The following GULP1 variants were observed in gnomAD, a reference collection of about 807,000 sequenced individuals.
GULP1 encodes the protein GULP PTB domain containing engulfment adaptor 1.
A neutral mutation model predicts 40.9 loss-of-function variants in GULP1; 19 were observed. The ratio of observed to expected loss-of-function variants is 0.46; its 90% CI spans 0.32 to 0.68. The LOEUF (loss-of-function observed/expected upper bound fraction) is 0.68, where lower values mean the gene tolerates loss of function less well. Ranked by LOEUF, GULP1 falls within the 30% of genes least tolerant of loss-of-function variation. GULP1 has a pLI of 0.03. For synonymous variants in GULP1, 119 were observed against 117.6 expected, an observed-to-expected ratio of 1.01 and a Z score of -0.08; for missense variants, 312 against 362.2, an observed-to-expected ratio of 0.86 and a Z score of 1.12.
At chr2:188,524,866 A>T (rs1685758553) in intron 5 of GULP1, among the ~76,000 whole-genome samples, 1 of 151,774 alleles carries the variant, frequency 6.6e-6, no homozygotes, top group Admixed American at 6.6e-5. Context: ...CAGTATGTGA[A>T]TTTATTTGCC....
chr2:188,313,916 AC>A (rs2038627583), intron 1 of GULP1, among the ~76,000 whole-genome samples: 1 of 151,742 alleles, frequency 6.6e-6, no homozygotes, highest in Admixed American at 6.6e-5. Context: ...TCCTTCACAT[AC>A]CTTGTTAGAT....
At chr2:188,508,986 A>G (rs1342858380) in intron 4 of GULP1, among the ~76,000 whole-genome samples, 1 of 152,048 alleles carries the variant, frequency 6.6e-6, no homozygotes, top group Non-Finnish European at 1.5e-5. Context: ...TCATAGACCT[A>G]GCAAGCAGCA....
Position 188,495,423 on chromosome 2 carries a change from G to A in GULP1, c.90+11931G>A, listed in dbSNP as rs539560369. On this transcript the variant is annotated intron_variant, in intron 4 of 11. Coordinates refer to ENST00000409830, the MANE Select transcript of GULP1 (RefSeq NM_016315.4). ...AGAAAGTGAAGTCCTCCACTGCGTT[G>A]TCAAGGCCACCAGGAGAAGTGGATA... Among the ~76,000 whole-genome samples, 321 of 152,172 alleles carry A rather than the reference G, an allele frequency of 2.1e-3. 2 individuals are homozygous for A. The highest frequency in any genetic ancestry group is 7.2e-3 in the African/African-American group (299 of 41,556).
intron 5 of GULP1, among the ~76,000 whole-genome samples, chr2:188,524,224 T>A (rs924194540): frequency 6.6e-5 from 10 of 152,124 alleles, no homozygotes; most frequent in Non-Finnish European, 1.0e-4. Context: ...CCAAAAAAAA[T>A]TCAATTGAAT....
intron 4 of GULP1, among the ~76,000 whole-genome samples, chr2:188,501,104 G>C (rs2063390255): frequency 6.6e-6 from 1 of 151,764 alleles, no homozygotes; most frequent in Non-Finnish European, 1.5e-5. Flanking sequence ...TAACATTGAA[G>C]TTTATAAAAA....
chr2:188,523,303 A>G (rs1685314151), intron 5 of GULP1, among the ~76,000 whole-genome samples: 1 of 152,164 alleles, frequency 6.6e-6, no homozygotes, highest in African/African-American at 2.4e-5. Context: ...GTCCAACAGG[A>G]TCTGGCAATG....
At chr2:188,566,366 C>T (rs1697655367) in intron 7 of GULP1, among the ~76,000 whole-genome samples, 1 of 151,650 alleles carries the variant, frequency 6.6e-6, no homozygotes, top group Admixed American at 6.6e-5. Flanking sequence ...CAGCTAAGTG[C>T]CTAGTAAAGA....
intron 2 of GULP1, among the ~76,000 whole-genome samples, chr2:188,439,475 G>C (rs940290999): frequency 5.3e-5 from 8 of 151,958 alleles, no homozygotes; most frequent in African/African-American, 1.9e-4. Context: ...TCTATTGTTT[G>C]GTTAAATAAA....
intron 4 of GULP1, among the ~76,000 whole-genome samples, chr2:188,515,770 T>A (rs1013452503): frequency 1.3e-5 from 2 of 151,956 alleles, no homozygotes; most frequent in Non-Finnish European, 2.9e-5. Context: ...AGGGACATTT[T>A]TACCTGATCG....
intron 7 of GULP1, among the ~76,000 whole-genome samples, chr2:188,560,057 T>G (rs1012056140): frequency 1.3e-5 from 2 of 152,226 alleles, no homozygotes; most frequent in Non-Finnish European, 1.5e-5. Flanking sequence ...TGGGTATGTC[T>G]TTATCAGCAG....
chr2:188,505,106 G>A (rs982278066), intron 4 of GULP1, among the ~76,000 whole-genome samples: 1 of 151,348 alleles, frequency 6.6e-6, no homozygotes, highest in Non-Finnish European at 1.5e-5. Flanking sequence ...GGAACCCCTG[G>A]GAATTCAAGA....
intron 2 of GULP1, among the ~76,000 whole-genome samples, chr2:188,423,758 G>A (rs1044050826): frequency 6.6e-6 from 1 of 151,804 alleles, no homozygotes; most frequent in Non-Finnish European, 1.5e-5. Flanking sequence ...TGATTAGTTA[G>A]CTTTTCAAAT....
chr2:188,485,245 C>T (rs749025575), intron 4 of GULP1, among the ~76,000 whole-genome samples: 2 of 151,970 alleles, frequency 1.3e-5, no homozygotes, highest in East Asian at 3.9e-4. Context: ...GCCAATCATT[C>T]TGCTTGTCTA....
intron 2 of GULP1, among the ~76,000 whole-genome samples, chr2:188,459,165 G>A (rs2059503722): frequency 6.6e-6 from 1 of 152,170 alleles, no homozygotes; most frequent in Non-Finnish European, 1.5e-5. Context: ...TGAAAGTGCA[G>A]TTATCGCTTT....
At chr2:188,503,205 T>A (rs1339593830) in intron 4 of GULP1, among the ~76,000 whole-genome samples, 1 of 151,880 alleles carries the variant, frequency 6.6e-6, no homozygotes, top group Non-Finnish European at 1.5e-5. Flanking sequence ...TATGAGGTTT[T>A]TCGGCATTTT....
intron 4 of GULP1, among the ~76,000 whole-genome samples, chr2:188,499,860 C>T (rs559559789): frequency 6.6e-6 from 1 of 151,566 alleles, no homozygotes; most frequent in Admixed American, 6.6e-5. Context: ...TTAAATCAAC[C>T]TTCTGCATTG....
intron 2 of GULP1, among the ~76,000 whole-genome samples, chr2:188,414,216 C>CAAAAAAA (rs774779119): frequency 2.0e-4 from 9 of 44,582 alleles, no homozygotes; most frequent in South Asian, 8.0e-4. Context: ...GACTCCATCT[C>CAAAAAAA]AAAAAAAAAA....
chr2:188,455,906 G>T (rs1559261402), intron 2 of GULP1, among the ~76,000 whole-genome samples: 1 of 152,136 alleles, frequency 6.6e-6, no homozygotes, highest in African/African-American at 2.4e-5. Context: ...CAGGTGAAGA[G>T]GAGGAACTTG....
chr2:188,495,572 T>C (rs1469244833), intron 4 of GULP1, among the ~76,000 whole-genome samples: 2 of 152,074 alleles, frequency 1.3e-5, no homozygotes, highest in Non-Finnish European at 1.5e-5. Flanking sequence ...GGGAAGGCTG[T>C]GTACTATAAG....
Sources: allele counts gnomAD v4.1 joint callset (sites outside exome capture counted in the v4.1 genomes callset), GRCh38; gene constraint gnomAD v4.1.1; transcripts MANE v1.5; gene names NCBI Gene and HGNC (gene_info 2026-07-23, HGNC 2026-07-21).